The following PLA2G4C variants were observed in gnomAD, a reference collection of about 807,000 sequenced individuals.
PLA2G4C encodes the protein cytosolic phospholipase A2 gamma.
PLA2G4C carries 64 observed loss-of-function variants against 73.8 expected under a neutral mutation model. The ratio of observed to expected loss-of-function variants is 0.87; its 90% CI spans 0.71 to 1.07. The LOEUF (loss-of-function observed/expected upper bound fraction) is 1.07. Ranked by LOEUF, PLA2G4C falls within the 50% of genes least tolerant of loss-of-function variation. The pLI is 0.00. For synonymous variants in PLA2G4C, 254 were observed against 252.1 expected (o/e 1.01, Z -0.07); for missense variants, 622 against 665.4 (o/e 0.93, Z 0.72).
intron 16 of PLA2G4C, among the ~76,000 whole-genome samples, chr19:48,050,878 G>A (rs1197951652): frequency 1.3e-5 from 2 of 151,778 alleles, no homozygotes; most frequent in African/African-American, 4.8e-5. Context: ...GTCTTGCCAT[G>A]TTGCCCAGGC....
intron 9 of PLA2G4C, among the ~76,000 whole-genome samples, chr19:48,087,277 A>G (rs1276009632): frequency 6.6e-6 from 1 of 152,198 alleles, no homozygotes; most frequent in African/African-American, 2.4e-5. Context: ...ACCATCAGAC[A>G]GCCCTGGTGT....
chr19:48,084,644 G>C (rs112904851), intron 10 of PLA2G4C, among the ~76,000 whole-genome samples: 6,194 of 152,320 alleles, frequency 0.041, 165 homozygotes, highest in African/African-American at 0.06. Context: ...ACGGGTGTCA[G>C]CCACTGCATC....
At chr19:48,088,770 A>C (rs2122621036) in intron 8 of PLA2G4C, 58 bp from the exon 9 acceptor site, 17 of 1,225,832 alleles carry the variant, frequency 1.4e-5, no homozygotes, top group Non-Finnish European at 2.1e-5. Context: ...CCCTAGTTAT[A>C]ATATAAAAAA....
chr19:48,078,692 T>TACAAAAC (rs1198733997), intron 10 of PLA2G4C, among the ~76,000 whole-genome samples: 6 of 152,066 alleles, frequency 3.9e-5, no homozygotes, highest in Non-Finnish European at 8.8e-5. Flanking sequence ...CAAGGAAAAC[T>TACAAAAC]ACAAAACACT....
At chr19:48,099,244 G>A (rs532357755) in intron 5 of PLA2G4C, among the ~76,000 whole-genome samples, 1 of 152,164 alleles carries the variant, frequency 6.6e-6, no homozygotes, top group South Asian at 2.1e-4. Flanking sequence ...ACTCCAGCCT[G>A]GGTGACAGAG....
In PLA2G4C at chr19:48,077,948, C is replaced by T. The variant is rs532831500; in HGVS notation, c.845-124G>A. 5.4e-5 allele frequency: 39 copies of T among 720,468 alleles called. No individual in the cohort carries two copies. The Admixed American group carries it at 7.6e-4, about 14-fold the overall frequency. 44.6% of individuals were successfully genotyped at this position (720,468 alleles called of 1,614,324 possible). ...AGCCATGGGTTGGAGTCTGTTGATA[C>T]GGGTTCTGGAGAGCTAATTTTGTAC... On this transcript the variant is annotated intron_variant, in intron 10 of 16. Transcript: ENST00000599921.
chr19:48,062,153 C>G lies in PLA2G4C; in HGVS notation c.1103-1G>C, dbSNP rs1427854647. 22 of 1,552,588 alleles carry G rather than the reference C, an allele frequency of 1.4e-5. No homozygotes were observed. Among genetic ancestry groups the G allele is most frequent in the Non-Finnish European group, 1.8e-5 (21 of 1,147,990 alleles). On this transcript the variant is annotated splice_acceptor_variant, in intron 13 of 16. Coordinates refer to ENST00000599921, the MANE Select transcript of PLA2G4C (RefSeq NM_003706.3). LOFTEE classifies it high-confidence loss of function. Reference sequence around the variant, plus strand: ...CTCATTATCTTGTCCCGGATGCCACCTGTGGTGCCCAGGAAGAAAGAGGAT... The same window carrying G: ...CTCATTATCTTGTCCCGGATGCCACGTGTGGTGCCCAGGAAGAAAGAGGAT...
rs1255016842 is a variant in PLA2G4C at position 48,072,172 on chromosome 19, AAAC to A, written c.1006+2592_1006+2594del. ...AACAAACAAACAAAAACAAAAAACA[AAAC>A]AAAAAAAAGTACGTTTTTTAAAAGA... is the stretch of plus-strand genomic sequence containing the variant. On this transcript the variant is annotated intron_variant, in intron 12 of 16. Transcript: ENST00000599921. The surrounding 1 kb of genome is among the most constrained non-coding windows in gnomAD (Gnocchi z 4.4). 6.6e-6 allele frequency among the ~76,000 whole-genome samples: 1 copy of A among 152,046 alleles called. No individual in the cohort carries two copies. Among genetic ancestry groups the A allele is most frequent in the Non-Finnish European group, 1.5e-5 (1 of 68,004 alleles).
intron 4 of PLA2G4C, among the ~76,000 whole-genome samples, chr19:48,100,190 T>C (rs781088561): frequency 2.0e-5 from 3 of 151,976 alleles, no homozygotes; most frequent in Non-Finnish European, 4.4e-5. Context: ...GTCTTTAGTC[T>C]TTTATACCTA....
chr19:48,076,365 AC>A (rs1473852459), intron 11 of PLA2G4C, among the ~76,000 whole-genome samples: 1 of 152,160 alleles, frequency 6.6e-6, no homozygotes, highest in African/African-American at 2.4e-5. Flanking sequence ...AGGCCTGGCT[AC>A]AAAAGGCCTT....
intron 5 of PLA2G4C, 98 bp downstream of exon 5, chr19:48,099,573 A>G (rs1256079196): frequency 2.5e-6 from 2 of 788,790 alleles, no homozygotes; most frequent in Non-Finnish European, 2.0e-6. Context: ...ATCCTGAAGG[A>G]CTTAAAAGGT....
At position 48,054,140 on chromosome 19, in the gene PLA2G4C, T is replaced by C. The variant is rs372289867; in HGVS notation, c.1429+738A>G. On this transcript the variant is annotated intron_variant, in intron 15 of 16. Coordinates refer to ENST00000599921, the MANE Select transcript of PLA2G4C (RefSeq NM_003706.3). ...GGGCACAGCACAGCTCCATTCGGCC[T>C]GGCCTGGTGGTGATATGGTTTGGCT... 7.9e-5 allele frequency among the ~76,000 whole-genome samples: 12 copies of C among 152,164 alleles called. No homozygotes were observed. In the East Asian group the frequency reaches 1.9e-3, roughly 24 times the overall value.
chr19:48,090,548 T>C, intron 7 of PLA2G4C, 131 bp from the exon 8 acceptor site: 1 of 718,206 alleles, frequency 1.4e-6, no homozygotes. Flanking sequence ...CTTTCTTCCA[T>C]TCCATAAATA....
At chr19:48,108,182 G>T (rs1340543310) in intron 1 of PLA2G4C, among the ~76,000 whole-genome samples, 2 of 152,100 alleles carry the variant, frequency 1.3e-5, no homozygotes, top group African/African-American at 4.8e-5. Context: ...TGCAGGGCTG[G>T]TCCCTACAGT....
intron 16 of PLA2G4C, among the ~76,000 whole-genome samples, 199 bp from the exon 17 acceptor site, chr19:48,048,587 C>T (rs1037800687): frequency 1.3e-5 from 2 of 152,152 alleles, no homozygotes; most frequent in Non-Finnish European, 2.9e-5. Context: ...ACTTTTACCA[C>T]GTAAACGTTT....
intron 14 of PLA2G4C, 29 bp downstream of exon 14, chr19:48,061,969 G>A (rs761109261): frequency 6.2e-7 from 1 of 1,611,328 alleles, no homozygotes; most frequent in Non-Finnish European, 8.5e-7. Context: ...CTCCCACCCA[G>A]GACCGGCCCC....
chr19:48,086,980 A>G (rs1417894850), intron 9 of PLA2G4C, among the ~76,000 whole-genome samples: 1 of 152,158 alleles, frequency 6.6e-6, no homozygotes, highest in African/African-American at 2.4e-5. Context: ...AGGACAGGGG[A>G]CATTACCGGA....
intron 10 of PLA2G4C, among the ~76,000 whole-genome samples, 173 bp from the exon 11 acceptor site, chr19:48,077,997 T>C (rs1458776672): frequency 1.3e-5 from 2 of 152,168 alleles, no homozygotes; most frequent in Non-Finnish European, 2.9e-5. Flanking sequence ...CTGTGCTCGC[T>C]GACCTCATGT....
At chr19:48,104,450 A>T in intron 4 of PLA2G4C, 138 bp downstream of exon 4, 1 of 792,906 alleles carries the variant, frequency 1.3e-6, no homozygotes, top group Non-Finnish European at 2.0e-6. Flanking sequence ...AGAATTGCTC[A>T]GAATTGTAGG....
Sources: gnomAD v4.1 joint callset for allele counts (sites outside exome capture counted in the v4.1 genomes callset) on GRCh38, gnomAD v4.1.1 for gene constraint, Gnocchi (gnomAD v3.1) non-coding constraint, MANE v1.5 for transcripts, NCBI Gene and HGNC (gene_info 2026-07-23, HGNC 2026-07-21) for gene names.